The following ERH variants were observed in gnomAD, a reference collection of about 807,000 sequenced individuals.
ERH encodes the protein enhancer of rudimentary homolog.
ERH carries 1 observed loss-of-function variant against 16.8 expected under a neutral mutation model. That is an observed-to-expected ratio of 0.06 (90% CI 0.02 to 0.28). The LOEUF (loss-of-function observed/expected upper bound fraction) is 0.28. Among genes scored for constraint, ERH ranks in the 10% least tolerant of loss-of-function variants. ERH has a pLI of 1.00. For synonymous variants in ERH, 43 were observed against 43.6 expected, an observed-to-expected ratio of 0.99 and a Z score of 0.05; for missense variants, 42 against 127.5, an observed-to-expected ratio of 0.33 and a Z score of 3.23.
At chr14:69,386,076 ATTCATTTGAAT>A (rs1274911758) in intron 3 of ERH, among the ~76,000 whole-genome samples, 1 of 152,208 alleles carries the variant, frequency 6.6e-6, no homozygotes, top group Non-Finnish European at 1.5e-5. Flanking sequence ...ACCATGCAAC[ATTCATTTGAAT>A]GTTCTGAGTG....
chr14:69,389,114 G>A (rs1315749647), intron 2 of ERH, among the ~76,000 whole-genome samples: 5 of 151,740 alleles, frequency 3.3e-5, no homozygotes, highest in East Asian at 1.9e-4. Context: ...TCTGCCTCCC[G>A]GATTCAAGCG....
rs760223123 is a variant in ERH at position 69,398,271 on chromosome 14, C to A, written c.-38G>T. ...TCTTCGCTACAGCAGCTGCCGACAC[C>A]GCCGCCGTTACACGAGCTTAACTAC... On this transcript the variant is annotated 5_prime_UTR_variant, in exon 1 of 4. Coordinates refer to ENST00000557016, the MANE Select transcript of ERH (RefSeq NM_004450.3). 1.9e-6 allele frequency: 3 copies of A among 1,613,322 alleles called. No homozygotes were observed. The African/African-American group carries it at 4.0e-5, about 22-fold the overall frequency.
At chr14:69,387,660 C>G in intron 2 of ERH, among the ~76,000 whole-genome samples, 1 of 133,160 alleles carries the variant, frequency 7.5e-6, no homozygotes, top group Non-Finnish European at 1.5e-5. Context: ...TGGGTCTTAA[C>G]AGGTTTTTCA....
intron 1 of ERH, chr14:69,397,901 G>C (rs1280714708): frequency 2.2e-5 from 11 of 495,760 alleles, no homozygotes; most frequent in South Asian, 1.3e-4. Context: ...CTGGGCGATA[G>C]AGTGAGACTC....
rs1236142793 is a variant in ERH at position 69,380,476 on chromosome 14, C to G, written c.*62G>C. 1 of 908,946 alleles carries G rather than the reference C, an allele frequency of 1.1e-6. No homozygotes were observed. Among genetic ancestry groups the G allele is most frequent in the African/African-American group, 1.6e-5 (1 of 61,428 alleles). The allele number at this position is 908,946 out of a possible 1,614,324, so 56.3% of individuals were successfully genotyped here. Reference sequence around the variant, plus strand: ...TTACTATGATACAAAACTTCCACTACAGCACGCTGTACACACCTGTGTTCC... The same window carrying G: ...TTACTATGATACAAAACTTCCACTAGAGCACGCTGTACACACCTGTGTTCC... On this transcript the variant is annotated 3_prime_UTR_variant, in exon 4 of 4. Coordinates refer to ENST00000557016, the MANE Select transcript of ERH (RefSeq NM_004450.3).
chr14:69,385,374 C>T lies in ERH; in HGVS notation c.212+1589G>A, dbSNP rs150713626. Among the ~76,000 whole-genome samples, 739 of 152,224 alleles carry T rather than the reference C, an allele frequency of 4.9e-3. 5 individuals carry two copies. The highest frequency in any genetic ancestry group is 0.017 in the African/African-American group (706 of 41,540). Reference sequence around the variant, plus strand: ...TTACTTTTCCACAAACCTGTAACACCTGTTTCAAATGATGTCCTTGCTCCT... The same window carrying T: ...TTACTTTTCCACAAACCTGTAACACTTGTTTCAAATGATGTCCTTGCTCCT... On this transcript the variant is annotated intron_variant, in intron 3 of 3. Coordinates refer to ENST00000557016, the MANE Select transcript of ERH (RefSeq NM_004450.3).
intron 2 of ERH, among the ~76,000 whole-genome samples, chr14:69,392,457 A>T (rs533872400): frequency 2.4e-4 from 37 of 152,330 alleles, no homozygotes; most frequent in African/African-American, 8.9e-4. Context: ...ACTATATGAC[A>T]TTCTGGAAAA....
At position 69,380,549 on chromosome 14, in the gene ERH, C is replaced by A; in HGVS notation, c.304G>T (p.Ala102Ser). 6.2e-7 allele frequency: 1 copy of A among 1,604,116 alleles called. No homozygotes were observed. Among genetic ancestry groups the A allele is most frequent in the Non-Finnish European group, 8.5e-7 (1 of 1,171,446 alleles). Residue 102 changes from alanine (A) to serine (S), a missense_variant, in exon 4 of 4, where the codon GCT (alanine) becomes TCT (serine). By Grantham distance (99) the Ala-to-Ser change is moderately conservative (BLOSUM62 1). Coordinates refer to ENST00000557016, the MANE Select transcript of ERH (RefSeq NM_004450.3). Reference sequence around the variant, plus strand: ...TGCTTCCAACACAATTATTTCCCAGCCTGTTGGGCCTGCCGACGAAGGAGC... The same window carrying A: ...TGCTTCCAACACAATTATTTCCCAGACTGTTGGGCCTGCCGACGAAGGAGC... ...YVLLRRQAQQ[A>S]GK is the part of the protein sequence containing the mutation.
At chr14:69,397,914 T>C in intron 1 of ERH, 1 of 530,532 alleles carries the variant, frequency 1.9e-6, no homozygotes. Context: ...TGAGACTCTC[T>C]ATCTCAAAAA....
At chr14:69,391,664 A>AG (rs926396797) in intron 2 of ERH, among the ~76,000 whole-genome samples, 2 of 144,594 alleles carry the variant, frequency 1.4e-5, no homozygotes, top group Admixed American at 6.8e-5. Flanking sequence ...CAAAAAAAAA[A>AG]AAAAAAAAAA....
intron 3 of ERH, among the ~76,000 whole-genome samples, chr14:69,386,273 T>G (rs1412393364): frequency 6.6e-6 from 1 of 152,230 alleles, no homozygotes; most frequent in Non-Finnish European, 1.5e-5. Flanking sequence ...CTTGTATATT[T>G]CTCATCACTG....
At chr14:69,386,278 T>C (rs1198841918) in intron 3 of ERH, among the ~76,000 whole-genome samples, 2 of 152,260 alleles carry the variant, frequency 1.3e-5, no homozygotes, top group African/African-American at 4.8e-5. Context: ...ATATTTCTCA[T>C]CACTGCTCTT....
chr14:69,397,892 T>G (rs1170588169), intron 1 of ERH: 1 of 449,580 alleles, frequency 2.2e-6, no homozygotes, highest in Non-Finnish European at 4.0e-6. Context: ...CACTCCAGCC[T>G]GGGCGATAGA....
rs574412676 is a variant in ERH at position 69,381,225 on chromosome 14, G to A, written c.213-585C>T. ...CAACCGGTGGAGGATGCAGTGAGCC[G>A]AGATCGTGCCACTGCACTCCTGTGA... On this transcript the variant is annotated intron_variant, in intron 3 of 3. Transcript: ENST00000557016. Among the ~76,000 whole-genome samples, 28 of 152,250 alleles carry A rather than the reference G, an allele frequency of 1.8e-4. No individual in the cohort carries two copies. In the East Asian group the frequency reaches 3.5e-3, roughly 19 times the overall value.
At chr14:69,395,403 G>C (rs1882312630) in intron 1 of ERH, among the ~76,000 whole-genome samples, 1 of 152,036 alleles carries the variant, frequency 6.6e-6, no homozygotes, top group Non-Finnish European at 1.5e-5. Context: ...GTCTCCCTAA[G>C]TCTCCCAGTC....
intron 2 of ERH, among the ~76,000 whole-genome samples, chr14:69,394,077 A>G (rs12147518): frequency 1.3e-5 from 2 of 152,042 alleles, no homozygotes; most frequent in Non-Finnish European, 2.9e-5. Flanking sequence ...CTATATAAGA[A>G]GACTACACTT....
At chr14:69,384,115 C>A (rs1415713074) in intron 3 of ERH, among the ~76,000 whole-genome samples, 1 of 152,128 alleles carries the variant, frequency 6.6e-6, no homozygotes, top group East Asian at 1.9e-4. Context: ...GTTGAAAAAA[C>A]CTCAACACCT....
chr14:69,391,063 T>C (rs80303676), intron 2 of ERH, among the ~76,000 whole-genome samples: 6,884 of 152,222 alleles, frequency 0.045, 213 homozygotes, highest in South Asian at 0.11. Context: ...CTGAAGACAG[T>C]TTGGCAGTTT....
chr14:69,388,764 T>C lies in ERH; in HGVS notation c.92-1681A>G, dbSNP rs184726086. Among the ~76,000 whole-genome samples the C allele has an allele frequency of 2.0e-3, 309 of 152,332 alleles. 1 individual carries two copies. Among genetic ancestry groups the C allele is most frequent in the African/African-American group, 7.1e-3 (297 of 41,574 alleles). On this transcript the variant is annotated intron_variant, in intron 2 of 3. Coordinates refer to ENST00000557016, the MANE Select transcript of ERH (RefSeq NM_004450.3). ...TACTATGATGAATGGCTAAGTGACA[T>C]AAATGCTAGTTATCTAGAAAAAACA...
Sources: allele counts gnomAD v4.1 joint callset (sites outside exome capture counted in the v4.1 genomes callset), GRCh38; gene constraint gnomAD v4.1.1; transcripts MANE v1.5; gene names NCBI Gene and HGNC (gene_info 2026-07-23, HGNC 2026-07-21).